The following NBEA variants were observed in gnomAD, a reference collection of about 807,000 sequenced individuals.
NBEA encodes the protein lysosomal-trafficking regulator 2.
NBEA carries 44 observed loss-of-function variants against 343.4 expected under a neutral mutation model. That is an observed-to-expected ratio of 0.13 (90% confidence interval 0.10 to 0.16). The LOEUF is 0.16. NBEA is among the 10% of genes least tolerant of loss of function. NBEA has a pLI of 1.00. For synonymous variants in NBEA, 1,175 were observed against 1,238.7 expected, an observed-to-expected ratio of 0.95 and a Z score of 1.08; for missense variants, 2,555 against 3,631.3, an observed-to-expected ratio of 0.70 and a Z score of 7.62.
At chr13:35,376,230 A>G (rs968487200) in intron 38 of NBEA, among the ~76,000 whole-genome samples, 1 of 152,112 alleles carries the variant, frequency 6.6e-6, no homozygotes, top group Non-Finnish European at 1.5e-5. Flanking sequence ...GCACATTATG[A>G]AGTTGCTGTC....
At chr13:35,039,264 A>T (rs560517506) in intron 1 of NBEA, among the ~76,000 whole-genome samples, 1 of 748 alleles carries the variant, frequency 1.3e-3, no homozygotes, top group East Asian at 0.17. Context: ...GAGACTCAGA[A>T]CTGTTTTCTA....
chr13:35,407,654 T>C (rs1343288702), intron 38 of NBEA, among the ~76,000 whole-genome samples: 4 of 152,100 alleles, frequency 2.6e-5, no homozygotes, highest in African/African-American at 9.7e-5. Flanking sequence ...GGTATAAATA[T>C]ACCTTGTCCT....
At chr13:34,969,280 A>C (rs1304333292) in intron 1 of NBEA, among the ~76,000 whole-genome samples, 1 of 152,048 alleles carries the variant, frequency 6.6e-6, no homozygotes, top group Non-Finnish European at 1.5e-5. Context: ...GCTGTGTAAT[A>C]AGTTAAAGCA....
chr13:35,045,518 G>A (rs1593570746), intron 4 of NBEA, 117 bp downstream of exon 4: 2 of 762,880 alleles, frequency 2.6e-6, no homozygotes, highest in East Asian at 5.5e-5. Flanking sequence ...TGATGAGTTT[G>A]GAAGTCATAC....
intron 34 of NBEA, among the ~76,000 whole-genome samples, chr13:35,287,631 A>G (rs2035516930): frequency 6.6e-6 from 1 of 152,022 alleles, no homozygotes; most frequent in Non-Finnish European, 1.5e-5. Flanking sequence ...TTGTCTGACC[A>G]CAATAAGCTA....
intron 17 of NBEA, among the ~76,000 whole-genome samples, chr13:35,127,501 A>G (rs868619149): frequency 1.3e-5 from 2 of 152,194 alleles, no homozygotes; most frequent in South Asian, 4.1e-4. Flanking sequence ...AATAATGTAC[A>G]AATGACACAA....
chr13:35,450,797 G>A (rs2046272546), intron 39 of NBEA, among the ~76,000 whole-genome samples: 1 of 152,152 alleles, frequency 6.6e-6, no homozygotes. Flanking sequence ...ACAGAACACA[G>A]TATATGACAA....
intron 1 of NBEA, among the ~76,000 whole-genome samples, chr13:34,984,454 G>T (rs547095006): frequency 6.6e-6 from 1 of 152,146 alleles, no homozygotes; most frequent in African/African-American, 2.4e-5. Context: ...GTGCCATGTA[G>T]TATAGTTTGA....
At chr13:35,433,089 C>T (rs139168275) in intron 39 of NBEA, among the ~76,000 whole-genome samples, 447 of 152,176 alleles carry the variant, frequency 2.9e-3, no homozygotes, top group Middle Eastern at 0.014. Flanking sequence ...TATCACACTA[C>T]AGTAGAACTA....
intron 33 of NBEA, among the ~76,000 whole-genome samples, chr13:35,219,620 G>A (rs2074253249): frequency 6.6e-6 from 1 of 152,096 alleles, no homozygotes; most frequent in South Asian, 2.1e-4. Flanking sequence ...CCCAGTATCT[G>A]CAGTTAGTAT....
At chr13:35,398,794 T>C (rs1211425716) in intron 38 of NBEA, among the ~76,000 whole-genome samples, 1 of 152,062 alleles carries the variant, frequency 6.6e-6, no homozygotes, top group Non-Finnish European at 1.5e-5. Flanking sequence ...GAATGGTCAA[T>C]GAGCTTTGGC....
chr13:35,010,444 G>A (rs938981161), intron 1 of NBEA, among the ~76,000 whole-genome samples: 1 of 151,598 alleles, frequency 6.6e-6, no homozygotes, highest in Non-Finnish European at 1.5e-5. Flanking sequence ...AGCCAGGTGT[G>A]GTGGTGCTCA....
chr13:35,243,345 G>A (rs2030644434), intron 34 of NBEA, among the ~76,000 whole-genome samples: 1 of 151,678 alleles, frequency 6.6e-6, no homozygotes, highest in Non-Finnish European at 1.5e-5. Flanking sequence ...GGGAAGTACG[G>A]GAAGAAATAA....
At chr13:35,585,835 A>G (rs1314705612) in intron 46 of NBEA, among the ~76,000 whole-genome samples, 1 of 152,144 alleles carries the variant, frequency 6.6e-6, no homozygotes, top group Non-Finnish European at 1.5e-5. Flanking sequence ...AACCTCTTAC[A>G]TCCAGTCAGA....
chr13:35,633,826 A>C (rs558429353), intron 49 of NBEA, among the ~76,000 whole-genome samples: 32 of 152,230 alleles, frequency 2.1e-4, no homozygotes, highest in African/African-American at 7.2e-4. Flanking sequence ...CAAAACTATC[A>C]ATTTAATTTT....
intron 34 of NBEA, chr13:35,251,152 C>T: frequency 4.3e-6 from 1 of 230,868 alleles, no homozygotes; most frequent in South Asian, 7.4e-5. Flanking sequence ...TTTTCTTTGA[C>T]TGATTCTGTG....
chr13:35,166,026 A>G (rs78696153), intron 24 of NBEA, among the ~76,000 whole-genome samples: 1,531 of 152,132 alleles, frequency 0.01, 30 homozygotes, highest in African/African-American at 0.035. Context: ...GAATAAATCA[A>G]TATTTTCTTT....
At chr13:35,010,741 A>ATATATATATATAT (rs1233348410) in intron 1 of NBEA, among the ~76,000 whole-genome samples, 2 of 31,956 alleles carry the variant, frequency 6.3e-5, no homozygotes, top group Admixed American at 4.9e-4. Flanking sequence ...AAAAAAAAAA[A>ATATATATATATAT]ATATATATAT....
chr13:35,176,647 G>C (rs1408242647), intron 27 of NBEA, among the ~76,000 whole-genome samples: 2 of 151,898 alleles, frequency 1.3e-5, no homozygotes, highest in Non-Finnish European at 2.9e-5. Flanking sequence ...AAAGCATGAT[G>C]GATAAATGAA....
Sources: gnomAD v4.1 joint callset for allele counts (sites outside exome capture counted in the v4.1 genomes callset) on GRCh38, gnomAD v4.1.1 for gene constraint, MANE v1.5 for transcripts, NCBI Gene and HGNC (gene_info 2026-07-23, HGNC 2026-07-21) for gene names.